VPS13C: variants seen among roughly 807,000 people sequenced by gnomAD.
The protein encoded by VPS13C is intermembrane lipid transfer protein VPS13C.
In VPS13C, 358 loss-of-function variants were observed where a neutral mutation model predicts 456.8. The ratio of observed to expected loss-of-function variants is 0.78; its 90% confidence interval spans 0.72 to 0.86. The LOEUF is 0.86. VPS13C is among the 40% of genes least tolerant of loss of function. The pLI is 0.00. For missense variants in VPS13C, 4,818 were observed against 4,385.4 expected (o/e 1.10, Z -2.79); for synonymous variants, 1,578 against 1,486.7 (o/e 1.06, Z -1.41).
intron 83 of VPS13C, 86 bp from the exon 84 acceptor site, chr15:61,855,040 A>T: frequency 9.4e-7 from 1 of 1,063,950 alleles, no homozygotes; most frequent in South Asian, 1.7e-5. Context: ...TTAAATGTCA[A>T]CTCTATCTTA....
At chr15:61,920,728 A>C in intron 55 of VPS13C, 81 bp from the exon 56 acceptor site, 3 of 1,311,012 alleles carry the variant, frequency 2.3e-6, no homozygotes, top group Non-Finnish European at 3.1e-6. Context: ...CAGTTCTCCT[A>C]AACTGATCAC....
intron 77 of VPS13C, among the ~76,000 whole-genome samples, chr15:61,873,680 T>C (rs1339649141): frequency 1.3e-5 from 2 of 151,788 alleles, no homozygotes; most frequent in African/African-American, 4.8e-5. Flanking sequence ...ACAAACGCTG[T>C]CAAAGAAGTG....
At chr15:61,862,313 A>G (rs569414566) in intron 82 of VPS13C, among the ~76,000 whole-genome samples, 81 of 152,304 alleles carry the variant, frequency 5.3e-4, no homozygotes, top group Non-Finnish European at 1.1e-3. Flanking sequence ...CAGTGACTAG[A>G]TTTCAAATGA....
At chr15:61,898,935 C>G (rs1465897500) in intron 66 of VPS13C, among the ~76,000 whole-genome samples, 1 of 101,912 alleles carries the variant, frequency 9.8e-6, no homozygotes, top group East Asian at 2.5e-4. Flanking sequence ...AACTAGAACT[C>G]AGTATTAAGA....
intron 15 of VPS13C, among the ~76,000 whole-genome samples, chr15:62,006,395 G>A (rs917266937): frequency 3.3e-5 from 5 of 151,932 alleles, no homozygotes; most frequent in Non-Finnish European, 7.4e-5. Flanking sequence ...GAGAATGATG[G>A]TTTCCAGTTT....
At chr15:61,960,430 G>A (rs1237979327) in intron 35 of VPS13C, among the ~76,000 whole-genome samples, 3 of 152,190 alleles carry the variant, frequency 2.0e-5, no homozygotes, top group Admixed American at 6.5e-5. Flanking sequence ...CCTATAATGC[G>A]AATTATTATA....
chr15:62,010,668 T>C, intron 12 of VPS13C, 69 bp from the exon 13 acceptor site: 1 of 1,396,684 alleles, frequency 7.2e-7, no homozygotes, highest in Non-Finnish European at 9.5e-7. Context: ...TAAATAATTA[T>C]GAGAACACTG....
chr15:61,917,901 T>C (rs964111848), intron 59 of VPS13C, among the ~76,000 whole-genome samples: 9 of 152,020 alleles, frequency 5.9e-5, no homozygotes, highest in Non-Finnish European at 7.4e-5. Context: ...TCATTTCAAA[T>C]ACAAAGGCAA....
chr15:61,940,510 T>G, intron 47 of VPS13C, 137 bp downstream of exon 47: 1 of 717,638 alleles, frequency 1.4e-6, no homozygotes, highest in Non-Finnish European at 2.0e-6. Flanking sequence ...AACAGACAAA[T>G]GCTCACTAAG....
chr15:61,994,052 A>G (rs1020410681), intron 16 of VPS13C, among the ~76,000 whole-genome samples: 11 of 152,140 alleles, frequency 7.2e-5, no homozygotes, highest in Non-Finnish European at 2.9e-5. Context: ...CTTTCCCTCA[A>G]TTACCCCCTT....
intron 3 of VPS13C, 102 bp from the exon 4 acceptor site, chr15:62,035,154 G>A (rs2047948899): frequency 1.4e-6 from 1 of 705,240 alleles, no homozygotes; most frequent in African/African-American, 1.8e-5. Flanking sequence ...AACTCTTCAT[G>A]GTATGTACAT....
rs772238331 is a variant in VPS13C at position 61,931,189 on chromosome 15, G to A, written c.5939C>T (p.Ser1980Leu). 6.2e-7 allele frequency: 1 copy of A among 1,614,124 alleles called. No individual in the cohort carries two copies. The highest frequency in any genetic ancestry group is 8.5e-7 in the Non-Finnish European group (1 of 1,180,022). ...TGAGCCATCCTTAAACATCTTCCCT[G>A]AGGAGGCCATAAGATGTAGTCTGAG... ...GELRLHLMAS[S>L]GKMFKDGSMN... is the part of the protein sequence containing the mutation. The change falls in exon 50 of 85, where the codon TCA becomes TTA. Residue 1980 changes from serine (S) to leucine (L), a missense_variant. Around this residue, in one of 3 missense-constraint regions of VPS13C, gnomAD observed 4,552 missense variants for 4,130.6 expected, o/e 1.10. Coordinates refer to ENST00000644861, the MANE Select transcript of VPS13C (RefSeq NM_020821.3).
At chr15:62,006,655 T>A (rs2046859767) in intron 15 of VPS13C, among the ~76,000 whole-genome samples, 1 of 152,234 alleles carries the variant, frequency 6.6e-6, no homozygotes, top group African/African-American at 2.4e-5. Flanking sequence ...GTATTTCTAG[T>A]TCTGGATCCC....
intron 76 of VPS13C, among the ~76,000 whole-genome samples, chr15:61,875,286 A>AT (rs946028971): frequency 2.6e-5 from 4 of 152,038 alleles, no homozygotes; most frequent in Admixed American, 6.6e-5. Flanking sequence ...GAGCCCACAG[A>AT]TTTTTTTACT....
chr15:61,888,334 T>C (rs552185633), intron 67 of VPS13C, among the ~76,000 whole-genome samples: 2 of 152,334 alleles, frequency 1.3e-5, no homozygotes, highest in African/African-American at 2.4e-5. Flanking sequence ...CCAGCAATCA[T>C]ATTCCTTGGC....
intron 18 of VPS13C, among the ~76,000 whole-genome samples, chr15:61,987,548 T>A (rs958824267): frequency 7.4e-6 from 1 of 135,656 alleles, no homozygotes; most frequent in African/African-American, 2.5e-5. Flanking sequence ...ATGATTCAAT[T>A]ATTACCACTT....
intron 59 of VPS13C, 36 bp downstream of exon 59, chr15:61,918,100 T>C (rs745729704): frequency 1.3e-6 from 2 of 1,539,424 alleles, no homozygotes; most frequent in South Asian, 1.3e-5. Flanking sequence ...CCCAACTCAA[T>C]ACATTTAAAG....
At chr15:61,856,551 T>A in intron 82 of VPS13C, 142 bp from the exon 83 acceptor site, 1 of 871,338 alleles carries the variant, frequency 1.1e-6, no homozygotes, top group Non-Finnish European at 1.7e-6. Flanking sequence ...ACCTGCTTCA[T>A]TTTTTTTAAG....
chr15:62,001,233 G>C (rs981195736), intron 15 of VPS13C, among the ~76,000 whole-genome samples: 1 of 152,174 alleles, frequency 6.6e-6, no homozygotes, highest in African/African-American at 2.4e-5. Context: ...CACTAGACCT[G>C]AGAGTTTGAG....
Sources: gnomAD v4.1 joint callset for allele counts (sites outside exome capture counted in the v4.1 genomes callset) on GRCh38, gnomAD v4.1.1 for gene constraint, gnomAD v4.1.1 regional missense constraint, MANE v1.5 for transcripts, NCBI Gene and HGNC (gene_info 2026-07-23, HGNC 2026-07-21) for gene names.